Variants in TIMP3 observed in about 807,000 individuals in gnomAD.
TIMP3 encodes TIMP metallopeptidase inhibitor 3.
In TIMP3, 11 loss-of-function variants were observed where a neutral mutation model predicts 30.0. The ratio of observed to expected loss-of-function variants is 0.37; its 90% CI spans 0.23 to 0.61. The LOEUF (loss-of-function observed/expected upper bound fraction) is 0.61. Among genes scored for constraint, TIMP3 ranks in the 20% least tolerant of loss-of-function variants. TIMP3 has a pLI of 0.70. For missense variants in TIMP3, 181 were observed against 276.8 expected (o/e 0.65, Z 2.45); for synonymous variants, 112 against 111.3 (o/e 1.01, Z -0.04).
chr22:32,802,472 AC>A (rs1419609749), intron 1 of TIMP3, among the ~76,000 whole-genome samples: 1 of 151,942 alleles, frequency 6.6e-6, no homozygotes, highest in East Asian at 1.9e-4. Context: ...GGTTCCCAAA[AC>A]TTGGAATGCT....
intron 1 of TIMP3, among the ~76,000 whole-genome samples, chr22:32,834,238 C>T (rs1227596489): frequency 6.6e-6 from 1 of 152,028 alleles, no homozygotes; most frequent in African/African-American, 2.4e-5. Context: ...CTGCAGCCTC[C>T]GCCTCCAAGG....
rs1297651532 is a variant in TIMP3 at position 32,848,450 on chromosome 22, G to T, written c.122-1002G>T. Among the ~76,000 whole-genome samples, 3 of 152,214 alleles carry T rather than the reference G, an allele frequency of 2.0e-5. No homozygotes were observed. In the East Asian group the frequency reaches 5.8e-4, roughly 29 times the overall value. On this transcript the variant is annotated intron_variant, in intron 1 of 4. Coordinates refer to ENST00000266085, the MANE Select transcript of TIMP3 (RefSeq NM_000362.5). ...TGGTCTGTTACCTTATCTAGATCAT[G>T]TGGATGCTAATACTGCCCTTGTAAG...
At chr22:32,843,092 T>C (rs559925091) in intron 1 of TIMP3, among the ~76,000 whole-genome samples, 78 of 151,992 alleles carry the variant, frequency 5.1e-4, no homozygotes, top group African/African-American at 4.8e-4. Context: ...TTTTTTTTTT[T>C]CCCCCACTAG....
chr22:32,844,052 C>T (rs1319432203), intron 1 of TIMP3, among the ~76,000 whole-genome samples: 1 of 152,088 alleles, frequency 6.6e-6, no homozygotes, highest in Non-Finnish European at 1.5e-5. Context: ...ACCTGGACTC[C>T]TAAGTTAGTA....
At chr22:32,849,745 G>A (rs1411452272) in intron 2 of TIMP3, among the ~76,000 whole-genome samples, 2 of 152,178 alleles carry the variant, frequency 1.3e-5, no homozygotes, top group Non-Finnish European at 2.9e-5. Flanking sequence ...AAGAGCCCAT[G>A]CAGGTGGAGT....
chr22:32,852,898 G>A (rs147960034), intron 2 of TIMP3, among the ~76,000 whole-genome samples: 4 of 152,280 alleles, frequency 2.6e-5, no homozygotes, highest in African/African-American at 7.2e-5. Flanking sequence ...ATGAGAAACC[G>A]ATCCACTGTG....
At chr22:32,843,229 G>A (rs1467645831) in intron 1 of TIMP3, among the ~76,000 whole-genome samples, 5 of 152,318 alleles carry the variant, frequency 3.3e-5, no homozygotes, top group East Asian at 3.9e-4. Flanking sequence ...ACATGCACAC[G>A]TTGCTTGGCA....
At chr22:32,824,884 C>T (rs887958002) in intron 1 of TIMP3, among the ~76,000 whole-genome samples, 5 of 152,178 alleles carry the variant, frequency 3.3e-5, no homozygotes, top group African/African-American at 1.2e-4. Flanking sequence ...AACCAGAGTA[C>T]TTTTATAAGA....
intron 1 of TIMP3, among the ~76,000 whole-genome samples, chr22:32,838,975 A>C (rs1345620813): frequency 6.6e-6 from 1 of 151,488 alleles, no homozygotes; most frequent in African/African-American, 2.4e-5. Flanking sequence ...AGCCAAGCAG[A>C]AGAGAGGTGG....
At chr22:32,809,820 A>G (rs2046865225) in intron 1 of TIMP3, among the ~76,000 whole-genome samples, 1 of 152,172 alleles carries the variant, frequency 6.6e-6, no homozygotes, top group Non-Finnish European at 1.5e-5. Context: ...TATGCCTAAA[A>G]TAGCTCCTGG....
Position 32,832,992 on chromosome 22 carries a change from C to T in TIMP3, c.122-16460C>T, listed in dbSNP as rs78217877. Among the ~76,000 whole-genome samples the T allele has an allele frequency of 9.5e-3, 1,446 of 152,256 alleles. 24 individuals are homozygous for T. The highest frequency in any genetic ancestry group is 0.033 in the African/African-American group (1,390 of 41,540). ...AAGGAATTCACCTGCCTCGACCTCC[C>T]GAAGTCCTGGGATTACAGGCGTGAG... is the stretch of plus-strand genomic sequence containing the variant. On this transcript the variant is annotated intron_variant, in intron 1 of 4. Coordinates refer to ENST00000266085, the MANE Select transcript of TIMP3 (RefSeq NM_000362.5).
intron 2 of TIMP3, among the ~76,000 whole-genome samples, chr22:32,851,803 T>G (rs1349315051): frequency 6.6e-6 from 1 of 152,098 alleles, no homozygotes; most frequent in Non-Finnish European, 1.5e-5. Context: ...ACTCTGACCC[T>G]CCATAGAGGG....
chr22:32,841,411 G>C (rs1483561523), intron 1 of TIMP3, among the ~76,000 whole-genome samples: 1 of 152,178 alleles, frequency 6.6e-6, no homozygotes, highest in Admixed American at 6.5e-5. Context: ...AAGAAAGAGT[G>C]TTCCAGCAGA....
chr22:32,809,023 A>G (rs966866421), intron 1 of TIMP3, among the ~76,000 whole-genome samples: 2 of 152,144 alleles, frequency 1.3e-5, no homozygotes, highest in Admixed American at 1.3e-4. Flanking sequence ...GAAAGTGGAG[A>G]TTTCTAAATG....
At chr22:32,816,915 C>T (rs1354219082) in intron 1 of TIMP3, among the ~76,000 whole-genome samples, 1 of 152,184 alleles carries the variant, frequency 6.6e-6, no homozygotes, top group African/African-American at 2.4e-5. Flanking sequence ...CCTTGCACCA[C>T]CAATCTTAAG....
chr22:32,858,205 C>T, intron 4 of TIMP3, 67 bp downstream of exon 4: 1 of 1,598,118 alleles, frequency 6.3e-7, no homozygotes, highest in Non-Finnish European at 8.6e-7. Context: ...ACATCAGCTC[C>T]CAATGCACTG....
intron 1 of TIMP3, among the ~76,000 whole-genome samples, chr22:32,821,248 G>T (rs1285049843): frequency 1.3e-5 from 2 of 152,142 alleles, no homozygotes; most frequent in Non-Finnish European, 2.9e-5. Flanking sequence ...TTGCAAAATG[G>T]GAAAGACCCC....
intron 2 of TIMP3, among the ~76,000 whole-genome samples, chr22:32,856,895 G>A (rs1361814873): frequency 1.3e-5 from 2 of 152,168 alleles, no homozygotes; most frequent in Non-Finnish European, 2.9e-5. Flanking sequence ...TCCCACATGA[G>A]TGAGAACATG....
chr22:32,849,394 T>A (rs983925839), intron 1 of TIMP3, 58 bp from the exon 2 acceptor site: 1 of 1,511,326 alleles, frequency 6.6e-7, no homozygotes, highest in Admixed American at 1.7e-5. Flanking sequence ...CCTGAGATGC[T>A]GTTCCTGATG....
Sources: allele counts gnomAD v4.1 joint callset (sites outside exome capture counted in the v4.1 genomes callset), GRCh38; gene constraint gnomAD v4.1.1; transcripts MANE v1.5; gene names NCBI Gene and HGNC (gene_info 2026-07-23, HGNC 2026-07-21).